EPB41L2: variants seen among roughly 807,000 people sequenced by gnomAD.
EPB41L2 encodes erythrocyte membrane protein band 4.1 like 2.
In EPB41L2, 43 loss-of-function variants were observed where a neutral mutation model predicts 113.0. That is an observed-to-expected ratio of 0.38 (90% confidence interval 0.30 to 0.49). EPB41L2 has a LOEUF of 0.49. EPB41L2 is among the 20% of genes least tolerant of loss of function. EPB41L2 has a pLI of 0.95. For missense variants in EPB41L2, 1,147 were observed against 1,223.4 expected (o/e 0.94, Z 0.93); for synonymous variants, 442 against 436.7 (o/e 1.01, Z -0.15).
chr6:130,956,681 A>AT (rs1817547281), intron 1 of EPB41L2, among the ~76,000 whole-genome samples, 182 bp from the exon 2 acceptor site: 1 of 152,204 alleles, frequency 6.6e-6, no homozygotes, highest in African/African-American at 2.4e-5. Context: ...AACTTTTAGA[A>AT]TTCTCTATCA....
chr6:130,910,394 C>T (rs1038277218), intron 4 of EPB41L2, among the ~76,000 whole-genome samples: 2 of 152,178 alleles, frequency 1.3e-5, no homozygotes, highest in Admixed American at 1.3e-4. Context: ...GGATTAAAGA[C>T]TTAAACATAA....
At chr6:130,924,902 A>G (rs910309255) in intron 4 of EPB41L2, among the ~76,000 whole-genome samples, 3 of 152,168 alleles carry the variant, frequency 2.0e-5, no homozygotes, top group Non-Finnish European at 4.4e-5. Flanking sequence ...GGCTATACAG[A>G]TAAGTAAGTC....
At chr6:130,888,293 A>G (rs748408681) in intron 11 of EPB41L2, among the ~76,000 whole-genome samples, 12 of 152,278 alleles carry the variant, frequency 7.9e-5, no homozygotes, top group East Asian at 1.9e-4. Context: ...ATTTTTCACA[A>G]TAACACAATA....
chr6:130,926,971 C>A (rs539403273), intron 3 of EPB41L2, among the ~76,000 whole-genome samples: 1 of 152,176 alleles, frequency 6.6e-6, no homozygotes, highest in East Asian at 1.9e-4. Context: ...ATAAAAAGGA[C>A]GAAAAAGGCG....
intron 1 of EPB41L2, among the ~76,000 whole-genome samples, chr6:131,018,199 G>C (rs73623501): frequency 2.0e-5 from 3 of 152,078 alleles, no homozygotes; most frequent in African/African-American, 7.3e-5. Context: ...CTGCTCTGCC[G>C]TCTTTAACAC....
intron 1 of EPB41L2, among the ~76,000 whole-genome samples, chr6:131,030,475 T>C (rs1584652056): frequency 6.6e-6 from 1 of 152,334 alleles, no homozygotes; most frequent in East Asian, 1.9e-4. Flanking sequence ...AAGCTTTCTT[T>C]TGGATGGTAA....
At chr6:130,852,058 CAT>C (rs1446008266) in intron 19 of EPB41L2, among the ~76,000 whole-genome samples, 3 of 152,182 alleles carry the variant, frequency 2.0e-5, no homozygotes, top group Non-Finnish European at 4.4e-5. Flanking sequence ...ATCTCAAACT[CAT>C]TATCTCTGGG....
chr6:131,032,998 C>T (rs983648800), intron 1 of EPB41L2, among the ~76,000 whole-genome samples: 1 of 152,172 alleles, frequency 6.6e-6, no homozygotes, highest in Non-Finnish European at 1.5e-5. Flanking sequence ...GCCTCAGCCT[C>T]CCGAGTAGCT....
intron 1 of EPB41L2, among the ~76,000 whole-genome samples, chr6:131,023,387 A>C (rs576381867): frequency 3.9e-5 from 6 of 152,270 alleles, no homozygotes; most frequent in Non-Finnish European, 8.8e-5. Flanking sequence ...CAAAGATTTC[A>C]GTAGATAAAA....
chr6:131,007,675 T>C (rs941826094), intron 1 of EPB41L2, among the ~76,000 whole-genome samples: 1 of 152,124 alleles, frequency 6.6e-6, no homozygotes, highest in African/African-American at 2.4e-5. Context: ...TGGTCTCAGA[T>C]GGAGATGAGG....
chr6:130,900,148 A>G (rs9492749), intron 7 of EPB41L2, among the ~76,000 whole-genome samples: 2,219 of 152,340 alleles, frequency 0.015, 64 homozygotes, highest in African/African-American at 0.05. Flanking sequence ...TCAGTACCTG[A>G]TATTTCACAT....
Position 130,869,891 on chromosome 6 carries a change from T to C in EPB41L2, c.2279A>G (p.His760Arg), listed in dbSNP as rs754804492. 4 of 1,612,846 alleles carry C rather than the reference T, an allele frequency of 2.5e-6. No homozygotes were observed. The South Asian group carries it at 4.4e-5, about 18-fold the overall frequency. The change falls in exon 15 of 20, where the codon CAC becomes CGC. Residue 760 changes from histidine to arginine, a missense_variant. Coordinates refer to ENST00000337057, the MANE Select transcript of EPB41L2 (RefSeq NM_001431.4). ...CCTGATGGTGCCCTCGGTCACTCGG[T>C]GGTGGGGACGGTACTCTCCCACGTC... is the stretch of plus-strand genomic sequence containing the variant. ...EEDVGEYRPH[H>R]RVTEGTIREE...
At chr6:130,930,702 A>G (rs993326818) in intron 3 of EPB41L2, among the ~76,000 whole-genome samples, 4 of 152,206 alleles carry the variant, frequency 2.6e-5, no homozygotes, top group African/African-American at 9.6e-5. Context: ...CTCAAAAAAC[A>G]TACATTAAAA....
chr6:131,046,245 T>C (rs2128190198), intron 1 of EPB41L2, among the ~76,000 whole-genome samples: 1 of 152,124 alleles, frequency 6.6e-6, no homozygotes, highest in African/African-American at 2.4e-5. Context: ...GAAAGGACAC[T>C]TTAAATCACT....
chr6:130,863,737 A>G lies in EPB41L2; in HGVS notation c.2830-19T>C. The G allele has an allele frequency of 6.3e-7, 1 of 1,590,526 alleles. No homozygotes were observed. Among genetic ancestry groups the G allele is most frequent in the Non-Finnish European group, 8.6e-7 (1 of 1,159,314 alleles). Reference sequence around the variant, plus strand: ...TTACAGTCTAAAGGTCATAAAGGAGAAGAAGAAAAAACAGCAATCACTGAA... The same window carrying G: ...TTACAGTCTAAAGGTCATAAAGGAGGAGAAGAAAAAACAGCAATCACTGAA... On this transcript the variant is annotated intron_variant, in intron 17 of 19. Transcript: ENST00000337057.
At position 130,867,477 on chromosome 6, in the gene EPB41L2, G is replaced by T. The variant is rs747231301; in HGVS notation, c.2712C>A (p.Ile904=). The part of the protein sequence containing the change: ...VPIVQTETKT[I]TYESPQIDGG... ...TTTGTACCTGTGGAGACTCATATGT[G>T]ATGGTTTTGGTCTCAGTTTGGACAA... The change falls in exon 16 of 20, where the codon ATC becomes ATA. Residue 904 remains isoleucine, a synonymous_variant. Coordinates refer to ENST00000337057, the MANE Select transcript of EPB41L2 (RefSeq NM_001431.4). 1.9e-6 allele frequency: 3 copies of T among 1,613,994 alleles called. No homozygotes were observed. The highest frequency in any genetic ancestry group is 8.5e-7 in the Non-Finnish European group (1 of 1,179,890).
intron 16 of EPB41L2, among the ~76,000 whole-genome samples, chr6:130,866,239 C>T (rs186436267): frequency 4.1e-4 from 62 of 152,328 alleles, no homozygotes; most frequent in Middle Eastern, 6.8e-3. Context: ...AAATCCCATA[C>T]ATATGTTAAA....
intron 1 of EPB41L2, among the ~76,000 whole-genome samples, chr6:131,030,998 G>T (rs918477697): frequency 7.2e-5 from 11 of 152,150 alleles, no homozygotes; most frequent in Middle Eastern, 6.8e-3. Flanking sequence ...AGGCTAAGGT[G>T]GGGGGATCGC....
intron 1 of EPB41L2, among the ~76,000 whole-genome samples, chr6:131,004,838 G>A (rs1021709536): frequency 2.6e-5 from 4 of 152,098 alleles, no homozygotes; most frequent in African/African-American, 7.2e-5. Context: ...AGTAGCCACC[G>A]AATGTAGCCC....
Sources: allele counts gnomAD v4.1 joint callset (sites outside exome capture counted in the v4.1 genomes callset), GRCh38; gene constraint gnomAD v4.1.1; transcripts MANE v1.5; gene names NCBI Gene and HGNC (gene_info 2026-07-23, HGNC 2026-07-21).